The following NT5C2 variants were observed in gnomAD, a reference collection of about 807,000 sequenced individuals.
NT5C2 encodes the protein 5'-nucleotidase, cytosolic II, also known as cytosolic purine 5'-nucleotidase.
Under a neutral mutation model 76.1 loss-of-function variants are expected in NT5C2, and 58 were observed. That is an observed-to-expected ratio of 0.76 (90% CI 0.62 to 0.95). The LOEUF is 0.95. Among genes scored for constraint, NT5C2 ranks in the 40% least tolerant of loss-of-function variants. The pLI is 0.00. For synonymous variants in NT5C2, 229 were observed against 237.4 expected (o/e 0.96, Z 0.32); for missense variants, 478 against 690.3 (o/e 0.69, Z 3.45).
intron 4 of NT5C2, among the ~76,000 whole-genome samples, chr10:103,132,516 ATTT>A (rs1037283112): frequency 6.6e-6 from 1 of 152,010 alleles, no homozygotes; most frequent in African/African-American, 2.4e-5. Context: ...TCTCTAAATT[ATTT>A]TTGTAGCTCT....
intron 2 of NT5C2, among the ~76,000 whole-genome samples, chr10:103,179,352 C>T (rs1329792937): frequency 3.3e-5 from 5 of 152,142 alleles, no homozygotes; most frequent in African/African-American, 1.2e-4. Context: ...TGGATCAGGA[C>T]CCCTTTCCAG....
Position 103,094,451 on chromosome 10 carries a change from CCA to C in NT5C2, c.816_817del (p.Gly273GlufsTer11). On this transcript the variant is annotated frameshift_variant and splice_region_variant, in exon 13 of 19. Transcript: ENST00000404739. LOFTEE classifies it high-confidence loss of function. ...GGACTGCCATGGTCGATGGGAGCTC[CCA>C]GGCTGGTGAAGGAGAAACAGCAAAA... is the stretch of plus-strand genomic sequence containing the variant. 6.2e-7 allele frequency: 1 copy of C among 1,604,044 alleles called. No individual in the cohort carries two copies. The highest frequency in any genetic ancestry group is 8.5e-7 in the Non-Finnish European group (1 of 1,171,112).
chr10:103,163,792 G>C (rs1332638803), intron 3 of NT5C2, among the ~76,000 whole-genome samples: 1 of 142,366 alleles, frequency 7.0e-6, no homozygotes, highest in Non-Finnish European at 1.5e-5. Context: ...TGAGGCAGGT[G>C]AATCACTTGA....
intron 4 of NT5C2, among the ~76,000 whole-genome samples, chr10:103,110,492 A>G (rs2072716574): frequency 6.6e-6 from 1 of 152,124 alleles, no homozygotes; most frequent in Non-Finnish European, 1.5e-5. Flanking sequence ...GTGATAGGGT[A>G]TATATACTAC....
chr10:103,159,648 C>G (rs2134038868), intron 3 of NT5C2, among the ~76,000 whole-genome samples: 1 of 144,462 alleles, frequency 6.9e-6, no homozygotes, highest in South Asian at 2.2e-4. Flanking sequence ...GACCCTGTCT[C>G]TTTAAAAAAA....
chr10:103,168,928 T>C (rs1365493133), intron 3 of NT5C2, among the ~76,000 whole-genome samples: 1 of 152,238 alleles, frequency 6.6e-6, no homozygotes, highest in Non-Finnish European at 1.5e-5. Context: ...AATAAATGTC[T>C]TTAATGAAAA....
At chr10:103,170,592 A>G (rs1450255560) in intron 3 of NT5C2, among the ~76,000 whole-genome samples, 1 of 142,914 alleles carries the variant, frequency 7.0e-6, no homozygotes, top group African/African-American at 2.6e-5. Flanking sequence ...GCATGATCTC[A>G]GCTCACTACA....
chr10:103,171,845 G>A (rs1210498559), intron 3 of NT5C2, among the ~76,000 whole-genome samples: 1 of 151,976 alleles, frequency 6.6e-6, no homozygotes, highest in Non-Finnish European at 1.5e-5. Flanking sequence ...GAATGCTTGA[G>A]CCCAGGCATT....
chr10:103,089,780 C>A lies in NT5C2; in HGVS notation c.1578G>T (p.Arg526=). The change falls in exon 19 of 19, where the codon CGG becomes CGT. Residue 526 remains arginine (R), a synonymous_variant. Coordinates refer to ENST00000404739, the MANE Select transcript of NT5C2 (RefSeq NM_001351169.2). Reference sequence around the variant, plus strand: ...TGGGAGGTTTAATCTCACTAATTGACCGTGTCAGCTGGTGCCGCTTGTAGT... The same window carrying A: ...TGGGAGGTTTAATCTCACTAATTGAACGTGTCAGCTGGTGCCGCTTGTAGT... ...DTDYKRHQLT[R]SISEIKPPNL... is the part of the protein sequence containing the mutation. The A allele has an allele frequency of 6.2e-7, 1 of 1,614,016 alleles. No homozygotes were observed. The highest frequency in any genetic ancestry group is 8.5e-7 in the Non-Finnish European group (1 of 1,179,982).
intron 3 of NT5C2, among the ~76,000 whole-genome samples, chr10:103,157,386 C>T (rs2083647688): frequency 6.6e-6 from 1 of 152,070 alleles, no homozygotes; most frequent in African/African-American, 2.4e-5. Flanking sequence ...TCAACTGAAG[C>T]AATTTTAGAT....
At chr10:103,110,317 G>A (rs556821825) in intron 4 of NT5C2, among the ~76,000 whole-genome samples, 15 of 152,100 alleles carry the variant, frequency 9.9e-5, no homozygotes, top group Non-Finnish European at 2.1e-4. Flanking sequence ...TTAGCTGGGC[G>A]TGGTGGCTCG....
intron 3 of NT5C2, among the ~76,000 whole-genome samples, chr10:103,144,414 T>C (rs2081128382): frequency 1.3e-5 from 2 of 152,192 alleles, no homozygotes; most frequent in Non-Finnish European, 1.5e-5. Context: ...AAAAAGGAGA[T>C]TTTGCTGTTA....
chr10:103,156,169 A>G (rs987810956), intron 3 of NT5C2, among the ~76,000 whole-genome samples: 1 of 152,094 alleles, frequency 6.6e-6, no homozygotes, highest in African/African-American at 2.4e-5. Context: ...TCTTGAAAAA[A>G]AAATTTTTTT....
intron 3 of NT5C2, 83 bp from the exon 4 acceptor site, chr10:103,139,562 G>A: frequency 1.0e-6 from 1 of 956,788 alleles, no homozygotes; most frequent in Non-Finnish European, 1.5e-6. Flanking sequence ...TATTTTTCTA[G>A]GTTTTCTCAT....
chr10:103,099,978 T>C lies in NT5C2; in HGVS notation c.581A>G (p.Tyr194Cys). The change falls in exon 9 of 19, where the codon TAC becomes TGC. Residue 194 changes from tyrosine to cysteine, a missense_variant. Physicochemically the swap from Tyr to Cys is radical, Grantham distance 194 (BLOSUM62 -2). Coordinates refer to ENST00000404739, the MANE Select transcript of NT5C2 (RefSeq NM_001351169.2). ...TCTTACATCCTGGAACATACTCCGG[T>C]AGGACATGAAGAGGTCCCCATCTTT... is the stretch of plus-strand genomic sequence containing the variant. ...GFKDGDLFMSYRSMFQDVRDA... is the reference protein window; with the variant it reads ...GFKDGDLFMSCRSMFQDVRDA... 6.2e-7 allele frequency: 1 copy of C among 1,613,078 alleles called. No homozygotes were observed. The highest frequency in any genetic ancestry group is 8.5e-7 in the Non-Finnish European group (1 of 1,179,248).
intron 4 of NT5C2, among the ~76,000 whole-genome samples, chr10:103,130,085 T>C (rs1045470164): frequency 1.8e-3 from 272 of 151,770 alleles, no homozygotes; most frequent in African/African-American, 5.8e-3. Flanking sequence ...CGGGCCAGGA[T>C]GACAATGGCG....
intron 3 of NT5C2, among the ~76,000 whole-genome samples, chr10:103,162,947 TCA>T (rs2085308247): frequency 6.6e-6 from 1 of 152,188 alleles, no homozygotes; most frequent in African/African-American, 2.4e-5. Flanking sequence ...CCTTCTGTAG[TCA>T]CACTTTCCTT....
intron 3 of NT5C2, among the ~76,000 whole-genome samples, chr10:103,148,460 G>A (rs920396652): frequency 2.6e-5 from 4 of 152,096 alleles, no homozygotes; most frequent in Non-Finnish European, 5.9e-5. Context: ...AATTAGCCGG[G>A]CATGGTGGCA....
chr10:103,169,811 T>A (rs1247133861), intron 3 of NT5C2, among the ~76,000 whole-genome samples: 1 of 151,670 alleles, frequency 6.6e-6, no homozygotes, highest in Non-Finnish European at 1.5e-5. Context: ...TGAGACCACA[T>A]CTCTAGAAAA....
Sources: allele counts gnomAD v4.1 joint callset (sites outside exome capture counted in the v4.1 genomes callset), GRCh38; gene constraint gnomAD v4.1.1; transcripts MANE v1.5; gene names NCBI Gene and HGNC (gene_info 2026-07-23, HGNC 2026-07-21).